Variants in BICD1 observed in about 807,000 individuals in gnomAD.
BICD1 encodes the protein protein bicaudal D homolog 1.
A neutral mutation model predicts 92.5 loss-of-function variants in BICD1; 35 were observed. The ratio of observed to expected loss-of-function variants is 0.38; its 90% CI spans 0.29 to 0.50. The LOEUF (loss-of-function observed/expected upper bound fraction) is 0.50. BICD1 is among the 20% of genes least tolerant of loss of function. The pLI is 0.93. For synonymous variants in BICD1, 429 were observed against 465.1 expected, an observed-to-expected ratio of 0.92 and a Z score of 1.00; for missense variants, 950 against 1,189.8, an observed-to-expected ratio of 0.80 and a Z score of 2.97.
intron 1 of BICD1, among the ~76,000 whole-genome samples, chr12:32,173,256 C>T (rs1283580183): frequency 1.3e-5 from 2 of 152,030 alleles, no homozygotes. Context: ...CACCATGTTG[C>T]CCAGGCTGGT....
intron 3 of BICD1, among the ~76,000 whole-genome samples, chr12:32,300,631 ATTTTTTTTTTTTTTTTTT>A (rs34219566): frequency 8.7e-5 from 7 of 80,566 alleles, no homozygotes; most frequent in Non-Finnish European, 1.5e-4. Flanking sequence ...ACTTTACAGT[ATTTTTTTTTTTTTTTTTT>A]TTTTTTTTTT....
chr12:32,314,774 T>TA (rs199728437), intron 4 of BICD1, among the ~76,000 whole-genome samples: 4 of 142,926 alleles, frequency 2.8e-5, no homozygotes, highest in Admixed American at 2.8e-4. Context: ...TTTTTTTTTT[T>TA]AAAAGAGATG....
intron 2 of BICD1, among the ~76,000 whole-genome samples, chr12:32,289,640 C>T (rs1192709428): frequency 6.6e-6 from 1 of 152,220 alleles, no homozygotes; most frequent in African/African-American, 2.4e-5. Flanking sequence ...ACCTTGGCCT[C>T]CCAAAGTGCT....
At chr12:32,298,226 C>T (rs1947928371) in intron 3 of BICD1, among the ~76,000 whole-genome samples, 1 of 151,242 alleles carries the variant, frequency 6.6e-6, no homozygotes. Flanking sequence ...TTCAGTCACA[C>T]TTCTAATATG....
chr12:32,258,455 CGT>C (rs955074452), intron 2 of BICD1, among the ~76,000 whole-genome samples: 1 of 151,818 alleles, frequency 6.6e-6, no homozygotes, highest in Non-Finnish European at 1.5e-5. Flanking sequence ...GTGTTCTCTC[CGT>C]GTGTGGAAAC....
chr12:32,320,436 G>A (rs1013673795), intron 4 of BICD1, among the ~76,000 whole-genome samples: 4 of 152,154 alleles, frequency 2.6e-5, no homozygotes, highest in African/African-American at 9.7e-5. Context: ...GAGGTCAGGA[G>A]TTCAAGACCA....
chr12:32,270,507 C>T (rs951848724), intron 2 of BICD1, among the ~76,000 whole-genome samples: 4 of 152,190 alleles, frequency 2.6e-5, no homozygotes, highest in African/African-American at 9.7e-5. Flanking sequence ...TTAAAGATAT[C>T]TCACACATAC....
In BICD1 at chr12:32,338,918, G is replaced by A; in HGVS notation, c.2703G>A (p.Met901Ile). The A allele has an allele frequency of 6.2e-7, 1 of 1,608,134 alleles. No homozygotes were observed. Among genetic ancestry groups the A allele is most frequent in the South Asian group, 1.1e-5 (1 of 89,784 alleles). The change falls in exon 8 of 10, where the codon ATG becomes ATA. Residue 901 changes from methionine to isoleucine, a missense_variant. Met to Ile is a conservative substitution (Grantham distance 10). Transcript: ENST00000652176. ...TTCTTCTGAAGGGCCCCCCTTCCAT[G>A]AGTGAATTCATCCAAGGGCACCGGC... ...ESFLLKGPPSMSEFIQGHRLS... is the reference protein window; with the variant it reads ...ESFLLKGPPSISEFIQGHRLS...
intron 2 of BICD1, among the ~76,000 whole-genome samples, chr12:32,269,724 T>A (rs1324395609): frequency 6.6e-6 from 1 of 152,222 alleles, no homozygotes; most frequent in East Asian, 1.9e-4. Context: ...TAGGAATATA[T>A]GCTAAAATTG....
intron 1 of BICD1, among the ~76,000 whole-genome samples, chr12:32,139,729 G>A (rs1032241139): frequency 6.6e-6 from 1 of 152,014 alleles, no homozygotes; most frequent in Non-Finnish European, 1.5e-5. Flanking sequence ...ACGCCCAGCT[G>A]ATTTTTGTAT....
At chr12:32,321,008 G>A (rs968457785) in intron 4 of BICD1, among the ~76,000 whole-genome samples, 8 of 152,072 alleles carry the variant, frequency 5.3e-5, no homozygotes, top group African/African-American at 1.9e-4. Context: ...TGCTTTGCAT[G>A]TTATTCATTC....
chr12:32,256,656 G>A (rs1457431145), intron 2 of BICD1, among the ~76,000 whole-genome samples: 2 of 152,192 alleles, frequency 1.3e-5, no homozygotes, highest in Non-Finnish European at 2.9e-5. Context: ...TGAAGATAAA[G>A]TTGTTTTGTA....
chr12:32,191,953 C>G (rs1472571147), intron 1 of BICD1, among the ~76,000 whole-genome samples: 1 of 151,954 alleles, frequency 6.6e-6, no homozygotes. Context: ...ATAATGGCCT[C>G]TAATTGTTCA....
chr12:32,106,915 A>G lies in BICD1; in HGVS notation c.-417A>G. On this transcript the variant is annotated 5_prime_UTR_variant, in exon 1 of 10. Coordinates refer to ENST00000652176, the MANE Select transcript of BICD1 (RefSeq NM_001714.4). ...AGCGAGAGAGCGAGCCGCGAGCCGG[A>G]GCGCGCCAGACCCAGGGCGAGACTG... 1 of 172,254 alleles carries G rather than the reference A, an allele frequency of 5.8e-6. No individual in the cohort carries two copies. The highest frequency in any genetic ancestry group is 1.2e-5 in the Non-Finnish European group (1 of 83,784). The allele number at this position is 172,254 out of a possible 1,614,324, so 10.7% of individuals were successfully genotyped here.
intron 8 of BICD1, among the ~76,000 whole-genome samples, chr12:32,344,214 A>G (rs1484441776): frequency 6.6e-6 from 1 of 152,216 alleles, no homozygotes; most frequent in African/African-American, 2.4e-5. Context: ...AAAGGTGACT[A>G]TATCGTAATA....
At chr12:32,218,539 G>T (rs190677747) in intron 2 of BICD1, among the ~76,000 whole-genome samples, 6 of 152,318 alleles carry the variant, frequency 3.9e-5, no homozygotes, top group African/African-American at 1.4e-4. Context: ...TCACAATTGG[G>T]ACATTGCTAT....
At chr12:32,211,484 A>G (rs998908667) in intron 1 of BICD1, among the ~76,000 whole-genome samples, 1 of 152,180 alleles carries the variant, frequency 6.6e-6, no homozygotes, top group African/African-American at 2.4e-5. Flanking sequence ...TCCAGAGTAC[A>G]ATTTTTGAAA....
intron 2 of BICD1, among the ~76,000 whole-genome samples, chr12:32,276,677 G>A (rs200124909): frequency 1.3e-5 from 2 of 150,054 alleles, no homozygotes. Flanking sequence ...CTGCAAAAAA[G>A]AAAAAAAAAA....
At chr12:32,187,740 G>A (rs922865267) in intron 1 of BICD1, among the ~76,000 whole-genome samples, 34 of 152,212 alleles carry the variant, frequency 2.2e-4, no homozygotes, top group African/African-American at 7.7e-4. Context: ...TCCAAAAGAA[G>A]GACAAAGATG....
Sources: gnomAD v4.1 joint callset for allele counts (sites outside exome capture counted in the v4.1 genomes callset) on GRCh38, gnomAD v4.1.1 for gene constraint, MANE v1.5 for transcripts, NCBI Gene and HGNC (gene_info 2026-07-23, HGNC 2026-07-21) for gene names.